Variants in PALD1 observed in about 807,000 individuals in gnomAD.
PALD1 encodes the protein paladin.
Under a neutral mutation model 96.0 loss-of-function variants are expected in PALD1, and 57 were observed. The ratio of observed to expected loss-of-function variants is 0.59; its 90% CI spans 0.48 to 0.74. PALD1 has a LOEUF of 0.74. Ranked by LOEUF, PALD1 falls within the 30% of genes least tolerant of loss-of-function variation. The pLI is 0.00. For missense variants in PALD1, 1,063 were observed against 1,143.7 expected, an observed-to-expected ratio of 0.93 and a Z score of 1.02; for synonymous variants, 464 against 473.6, an observed-to-expected ratio of 0.98 and a Z score of 0.26.
chr10:70,467,883 G>A, the PALD1 span, among the ~76,000 whole-genome samples: 2 of 152,206 alleles, frequency 1.3e-5, no homozygotes, highest in South Asian at 2.1e-4. Context: ...TTTCATGGAA[G>A]GAGTGCCCTG....
intron 1 of PALD1, among the ~76,000 whole-genome samples, chr10:70,499,826 T>C (rs1846262062): frequency 1.3e-5 from 2 of 152,216 alleles, no homozygotes; most frequent in Non-Finnish European, 2.9e-5. Flanking sequence ...GAATCTTTGC[T>C]CCACTGTTTC....
intron 1 of PALD1, among the ~76,000 whole-genome samples, chr10:70,495,579 C>G (rs1846181066): frequency 2.6e-5 from 4 of 151,808 alleles, no homozygotes; most frequent in Admixed American, 1.3e-4. Context: ...TTTGTGTTGT[C>G]CTGTTAAGGG....
At chr10:70,518,482 C>A (rs1173727243) in intron 1 of PALD1, among the ~76,000 whole-genome samples, 2 of 152,194 alleles carry the variant, frequency 1.3e-5, no homozygotes, top group Non-Finnish European at 2.9e-5. Context: ...TCCAGTTACT[C>A]ATATCTTCCT....
At chr10:70,528,497 ATAG>A in intron 2 of PALD1, among the ~76,000 whole-genome samples, 1 of 152,306 alleles carries the variant, frequency 6.6e-6, no homozygotes, top group South Asian at 2.1e-4. Flanking sequence ...GTCCAAAGCT[ATAG>A]AGTTACCAAG....
intron 1 of PALD1, among the ~76,000 whole-genome samples, chr10:70,517,444 C>T (rs10999367): frequency 0.1 from 15,249 of 151,076 alleles, 911 homozygotes; most frequent in South Asian, 0.17. Context: ...TGGGTTCAAG[C>T]GATCCTCCTG....
chr10:70,507,754 T>C (rs748006437), intron 1 of PALD1, among the ~76,000 whole-genome samples: 21,830 of 70,162 alleles, frequency 0.31, 1,822 homozygotes, highest in Middle Eastern at 0.44. Context: ...TGTGTGCGTG[T>C]GTGTGTGTGT....
chr10:70,528,783 T>C (rs867542830), intron 2 of PALD1, among the ~76,000 whole-genome samples: 1 of 152,218 alleles, frequency 6.6e-6, no homozygotes, highest in African/African-American at 2.4e-5. Flanking sequence ...CCCTTCTCCC[T>C]CATTGCTCCA....
At chr10:70,475,934 A>T (rs932627279), upstream of PALD1, among the ~76,000 whole-genome samples, 8 of 152,208 alleles carry the variant, frequency 5.3e-5, no homozygotes, top group African/African-American at 1.7e-4. Context: ...ACACACATAC[A>T]CACATGCTCA....
At chr10:70,523,740 A>T (rs1425394214) in intron 1 of PALD1, among the ~76,000 whole-genome samples, 1 of 152,094 alleles carries the variant, frequency 6.6e-6, no homozygotes, top group African/African-American at 2.4e-5. Flanking sequence ...GGGAGTTTTC[A>T]AGGGTGACAG....
chr10:70,534,967 A>G lies in PALD1; in HGVS notation c.1227+124A>G, dbSNP rs1847079203. On this transcript the variant is annotated intron_variant, in intron 10 of 19. Transcript: ENST00000263563. ...TCTGGCTGCTGCGTCTCCCATGAGAAGAGCAGTTTTCAGAGGAAGGGGAGA... is the reference window on the plus strand; with the variant it reads ...TCTGGCTGCTGCGTCTCCCATGAGAGGAGCAGTTTTCAGAGGAAGGGGAGA... The G allele has an allele frequency of 4.3e-6, 3 of 695,072 alleles. No homozygotes were observed. The African/African-American group carries it at 5.3e-5, about 12-fold the overall frequency. 43.1% of individuals were successfully genotyped at this position (695,072 alleles called of 1,614,324 possible). A position where few individuals can be genotyped will look rare whatever the true frequency, so the allele number is the denominator to read the frequency against.
intron 4 of PALD1, 32 bp downstream of exon 4, chr10:70,530,100 G>A (rs1846962994): frequency 2.0e-6 from 3 of 1,485,282 alleles, no homozygotes; most frequent in Non-Finnish European, 2.7e-6. Context: ...CAGAAGCCAG[G>A]TCCCCAAAGC....
At chr10:70,552,878 C>T (rs917531073) in intron 18 of PALD1, among the ~76,000 whole-genome samples, 1 of 152,324 alleles carries the variant, frequency 6.6e-6, no homozygotes, top group East Asian at 1.9e-4. Flanking sequence ...CTTTTAATCT[C>T]ATACAGTTCT....
chr10:70,479,635 G>A (rs10823551), intron 1 of PALD1, among the ~76,000 whole-genome samples: 108,902 of 151,884 alleles, frequency 0.72, 40,776 homozygotes, highest in Non-Finnish European at 0.85. Context: ...AGTGGCCTAT[G>A]GGAGACCCGG....
chr10:70,491,395 G>A (rs1310792987), intron 1 of PALD1, among the ~76,000 whole-genome samples: 1 of 150,232 alleles, frequency 6.7e-6, no homozygotes, highest in Non-Finnish European at 1.5e-5. Context: ...CTATGGGGTG[G>A]CTCTGTTCTC....
At chr10:70,514,294 G>A (rs11594851) in intron 1 of PALD1, among the ~76,000 whole-genome samples, 25,633 of 152,132 alleles carry the variant, frequency 0.17, 2,822 homozygotes, top group East Asian at 0.29. Context: ...GCTGCCCCCC[G>A]CAGTGGCAGC....
At chr10:70,551,977 T>G (rs565140808) in intron 18 of PALD1, among the ~76,000 whole-genome samples, 1 of 152,334 alleles carries the variant, frequency 6.6e-6, no homozygotes, top group Non-Finnish European at 1.5e-5. Flanking sequence ...CTTCGTGCAC[T>G]TGCATGCAGC....
At chr10:70,509,717 G>T (rs1846473445) in intron 1 of PALD1, among the ~76,000 whole-genome samples, 1 of 152,196 alleles carries the variant, frequency 6.6e-6, no homozygotes, top group Non-Finnish European at 1.5e-5. Context: ...AGGGCCTTAG[G>T]TCCTGGGAGG....
the PALD1 span, among the ~76,000 whole-genome samples, chr10:70,470,335 A>G: frequency 6.6e-6 from 1 of 152,088 alleles, no homozygotes; most frequent in South Asian, 2.1e-4. Context: ...AAAATGACAA[A>G]TGTCTTAATT....
chr10:70,526,174 A>C (rs1846863215), intron 2 of PALD1, 38 bp downstream of exon 2: 8 of 1,574,044 alleles, frequency 5.1e-6, no homozygotes, highest in Non-Finnish European at 6.1e-6. Context: ...TCCCTGGGAG[A>C]CATGATGGGC....
Sources: gnomAD v4.1 joint callset for allele counts (sites outside exome capture counted in the v4.1 genomes callset) on GRCh38, gnomAD v4.1.1 for gene constraint, MANE v1.5 for transcripts, NCBI Gene and HGNC (gene_info 2026-07-23, HGNC 2026-07-21) for gene names.